The following BAHCC1 variants were observed in gnomAD, a reference collection of about 807,000 sequenced individuals.
BAHCC1 encodes BAH and coiled-coil domain-containing protein 1.
Under a neutral mutation model 88.2 loss-of-function variants are expected in BAHCC1, and 43 were observed. The ratio of observed to expected loss-of-function variants is 0.49; its 90% CI spans 0.38 to 0.63. The LOEUF (loss-of-function observed/expected upper bound fraction) is 0.63. BAHCC1 is among the 20% of genes least tolerant of loss of function. BAHCC1 has a pLI of 0.00. For synonymous variants in BAHCC1, 1,510 were observed against 745.5 expected (o/e 2.03, Z -16.71); for missense variants, 3,023 against 1,654.8 (o/e 1.83, Z -14.34).
At chr17:81,400,540 C>T (rs1555645894) in intron 2 of BAHCC1, among the ~76,000 whole-genome samples, 1 of 152,232 alleles carries the variant, frequency 6.6e-6, no homozygotes, top group African/African-American at 2.4e-5. Flanking sequence ...GGCCAGAGTG[C>T]GGCCCAGCCT....
At chr17:81,397,408 A>AC (rs1555645082) in intron 1 of BAHCC1, among the ~76,000 whole-genome samples, 4 of 150,264 alleles carry the variant, frequency 2.7e-5, no homozygotes, top group African/African-American at 9.8e-5. Context: ...AAAAAAAAAA[A>AC]AAAACAACCA....
Position 81,411,279 on chromosome 17 carries a change from C to A in BAHCC1, c.178+11362C>A. 2 of 459,468 alleles carry A rather than the reference C, an allele frequency of 4.4e-6. No individual in the cohort carries two copies. The highest frequency in any genetic ancestry group is 4.4e-6 in the Non-Finnish European group (1 of 229,452). 28.5% of individuals were successfully genotyped at this position (459,468 alleles called of 1,614,324 possible). On this transcript the variant is annotated intron_variant, in intron 2 of 27. Coordinates refer to ENST00000675386, the MANE Select transcript of BAHCC1 (RefSeq NM_001377448.1). The surrounding 1 kb of genome is among the most constrained non-coding windows in gnomAD (Gnocchi z 6.2). ...GCTCCCCTTCTCGGCAGCTCCCAAA[C>A]CCTGACCCCAGACAGGCAGCAGGAG...
rs8064391 is a variant in BAHCC1 at position 81,411,346 on chromosome 17, A to G, written c.178+11429A>G. 0.96 allele frequency among the ~76,000 whole-genome samples: 145,429 copies of G among 151,362 alleles called. 69,990 individuals are homozygous for G. Among genetic ancestry groups the G allele is most frequent in the East Asian group, 1 (4,989 of 4,992 alleles). On this transcript the variant is annotated intron_variant, in intron 2 of 27. Transcript: ENST00000675386. The surrounding 1 kb of genome is among the most constrained non-coding windows in gnomAD (Gnocchi z 6.2). ...CCCAGGCCCCTGAGAGTGAGGCTGG[A>G]GAGACGGGAGGCACCGGTGCCCTGT... is the stretch of plus-strand genomic sequence containing the variant.
Position 81,461,293 on chromosome 17 carries a change from G to A in BAHCC1, c.6630G>A (p.Leu2210=). Residue 2210 remains leucine, a synonymous_variant, in exon 26 of 28, where the codon CTG becomes CTA. Transcript: ENST00000675386. ...CGGGCGGTGAGTTCCTGGTCAAGCT[G>A]GACCACGAGGGTGTGACCTCCCCCA... ...RRAGGEFLVK[L]DHEGVTSPKN... 1 of 710,412 alleles carries A rather than the reference G, an allele frequency of 1.4e-6. No individual in the cohort carries two copies. The allele number at this position is 710,412 out of a possible 1,614,324, so 44.0% of individuals were successfully genotyped here.
chr17:81,438,314 A>C (rs1555652004), intron 3 of BAHCC1, 56 bp from the exon 4 acceptor site: 1 of 771,832 alleles, frequency 1.3e-6, no homozygotes, highest in Admixed American at 1.7e-5. Flanking sequence ...GGTCAGGGCG[A>C]GTGTGGGCCA....
rs2143471228 is a variant in BAHCC1, at chr17:81,435,924, A to G, written c.359-2446A>G. On this transcript the variant is annotated intron_variant, in intron 3 of 27. Coordinates refer to ENST00000675386, the MANE Select transcript of BAHCC1 (RefSeq NM_001377448.1). The surrounding 1 kb of genome is among the most constrained non-coding windows in gnomAD (Gnocchi z 4.4). Reference sequence around the variant, plus strand: ...ACAGCTGCTCTGATTCATAAAAATCATTTTTAAATTTTCTTTCTCAGTTTT... The same window carrying G: ...ACAGCTGCTCTGATTCATAAAAATCGTTTTTAAATTTTCTTTCTCAGTTTT... Among the ~76,000 whole-genome samples the G allele has an allele frequency of 6.6e-6, 1 of 152,322 alleles. No individual in the cohort carries two copies. The highest frequency in any genetic ancestry group is 2.1e-4 in the South Asian group (1 of 4,826).
chr17:81,447,772 G>A lies in BAHCC1; in HGVS notation c.3900G>A (p.Gly1300=), dbSNP rs781783550. Residue 1300 remains glycine (G), a synonymous_variant, in exon 11 of 28, where the codon GGG becomes GGA. Transcript: ENST00000675386. ...CAGTCCCCCTGCCTCATAGCTCAGG[G>A]ATTCATGGGATCGCTCTGCTCAGCG... The part of the protein sequence containing the change: ...PSTVPLPHSS[G]IHGIALLSEL... The A allele has an allele frequency of 2.7e-6, 2 of 749,808 alleles. No individual in the cohort carries two copies. The highest frequency in any genetic ancestry group is 2.8e-5 in the South Asian group (2 of 70,316). The allele number at this position is 749,808 out of a possible 1,614,324, so 46.4% of individuals were successfully genotyped here.
At chr17:81,407,423 G>A (rs782652751) in intron 2 of BAHCC1, 7 of 518,690 alleles carry the variant, frequency 1.3e-5, no homozygotes, top group South Asian at 9.8e-5. Flanking sequence ...GAGCACAGTT[G>A]AAGCTTTGCT....
intron 2 of BAHCC1, chr17:81,421,900 C>T (rs1327300454): frequency 2.1e-5 from 8 of 378,612 alleles, no homozygotes; most frequent in South Asian, 5.6e-5. Context: ...GTGCAGCATG[C>T]GACCCCATGT....
Position 81,445,539 on chromosome 17 carries a change from C to T in BAHCC1, c.3021C>T (p.Thr1007=), listed in dbSNP as rs782508450. The change falls in exon 10 of 28, where the codon ACC becomes ACT. Residue 1007 remains threonine, a synonymous_variant. Coordinates refer to ENST00000675386, the MANE Select transcript of BAHCC1 (RefSeq NM_001377448.1). ...PDPKPPASSP[T]PPPRPSAPCT... ...CAAAGCCCCCCGCCAGCTCCCCCAC[C>T]CCACCACCTCGGCCCAGCGCCCCGT... The T allele has an allele frequency of 1.1e-5, 8 of 726,234 alleles. No homozygotes were observed. The highest frequency in any genetic ancestry group is 1.9e-5 in the Admixed American group (1 of 51,596). 45.0% of individuals were successfully genotyped at this position (726,234 alleles called of 1,614,324 possible). A position where few individuals can be genotyped will look rare whatever the true frequency, so the allele number is the denominator to read the frequency against.
At chr17:81,431,141 C>T (rs1198175055) in intron 3 of BAHCC1, among the ~76,000 whole-genome samples, 3 of 152,092 alleles carry the variant, frequency 2.0e-5, no homozygotes, top group Non-Finnish European at 4.4e-5. Context: ...CAGCTTCTCT[C>T]AGCCAGAGGG....
At chr17:81,436,836 G>C (rs922505550) in intron 3 of BAHCC1, among the ~76,000 whole-genome samples, 6 of 152,224 alleles carry the variant, frequency 3.9e-5, no homozygotes, top group Non-Finnish European at 8.8e-5. Context: ...GGGAGATGGG[G>C]CTTCACCCTG....
In BAHCC1 at chr17:81,442,950, GC is replaced by G; in HGVS notation, c.1607del (p.Pro536GlnfsTer15). On this transcript the variant is annotated frameshift_variant, in exon 5 of 28. Transcript: ENST00000675386. LOFTEE classifies it high-confidence loss of function. ...ACTGTTGGCAAGGAAGCCCCGGCCG[GC>G]CCCCCAGGGGCACAGAAGGTGGCCC... is the stretch of plus-strand genomic sequence containing the variant. ...DKTVGKEAPA[G>X]PPGAQKVARI... is the part of the protein sequence containing the mutation. 1 of 779,008 alleles carries G rather than the reference GC, an allele frequency of 1.3e-6. No individual in the cohort carries two copies. The allele number at this position is 779,008 out of a possible 1,614,324, so 48.3% of individuals were successfully genotyped here. A position where few individuals can be genotyped will look rare whatever the true frequency, so the allele number is the denominator to read the frequency against.
rs2064426189 is a variant in BAHCC1 at position 81,442,014 on chromosome 17, A to G, written c.665A>G (p.Lys222Arg). ...GACTTCGACCGCTTCCTCGTGGGCA[A>G]AGAGCTGGGCAGAGAGAAGGCGGGC... is the stretch of plus-strand genomic sequence containing the variant. ...PKDFDRFLVG[K>R]ELGREKAGKA... Residue 222 changes from lysine (K) to arginine (R), a missense_variant, in exon 5 of 28, where the codon AAA becomes AGA. Transcript: ENST00000675386. 1 of 738,124 alleles carries G rather than the reference A, an allele frequency of 1.4e-6. No individual in the cohort carries two copies. The allele number at this position is 738,124 out of a possible 1,614,324, so 45.7% of individuals were successfully genotyped here.
At position 81,458,684 on chromosome 17, in the gene BAHCC1, G is replaced by A. The variant is rs1431125940; in HGVS notation, c.5407G>A (p.Gly1803Ser). The change falls in exon 19 of 28, where the codon GGC (glycine) becomes AGC (serine). Residue 1803 changes from glycine (G) to serine (S), a missense_variant. Physicochemically the swap from Gly to Ser is moderately conservative, Grantham distance 56. Coordinates refer to ENST00000675386, the MANE Select transcript of BAHCC1 (RefSeq NM_001377448.1). ...CAACGCCAAGGCCATCCTGGGGAAG[G>A]GCCGGAAGCTGAGCAAGGTGAAGCA... ...TRNAKAILGK[G>S]RKLSKVKHKA... 4.1e-6 allele frequency: 3 copies of A among 725,614 alleles called. No homozygotes were observed. Among genetic ancestry groups the A allele is most frequent in the Admixed American group, 2.0e-5 (1 of 50,792 alleles). The allele number at this position is 725,614 out of a possible 1,614,324, so 44.9% of individuals were successfully genotyped here. A position where few individuals can be genotyped will look rare whatever the true frequency, so the allele number is the denominator to read the frequency against.
chr17:81,408,751 G>C (rs1031284031), intron 2 of BAHCC1, among the ~76,000 whole-genome samples: 1 of 152,156 alleles, frequency 6.6e-6, no homozygotes, highest in Non-Finnish European at 1.5e-5. Context: ...ACAGAGCCTG[G>C]CAGCAGCCCC....
rs532287207 is a variant in BAHCC1, at chr17:81,411,069, G to A, written c.178+11152G>A. ...CCGTGCGCCTCCCCTCGGGCCTGAG[G>A]GGTCCCTCTCTCTGGGGTCACGCTC... On this transcript the variant is annotated intron_variant, in intron 2 of 27. Transcript: ENST00000675386. The surrounding 1 kb of genome is among the most constrained non-coding windows in gnomAD (Gnocchi z 6.2). The A allele has an allele frequency of 6.0e-5, 31 of 519,156 alleles. No homozygotes were observed. In the East Asian group the frequency reaches 1.5e-3, roughly 25 times the overall value. 32.2% of individuals were successfully genotyped at this position (519,156 alleles called of 1,614,324 possible).
chr17:81,413,019 C>T, intron 2 of BAHCC1: 1 of 318,088 alleles, frequency 3.1e-6, no homozygotes, highest in Non-Finnish European at 6.7e-6. Flanking sequence ...GGTGTCACTT[C>T]CTCCACATCC....
Position 81,443,823 on chromosome 17 carries a change from C to T in BAHCC1, c.2230C>T (p.Arg744Cys), listed in dbSNP as rs782365355. The change falls in exon 6 of 28, where the codon CGT becomes TGT. Residue 744 changes from arginine to cysteine, a missense_variant. Transcript: ENST00000675386. The stretch of plus-strand genomic sequence containing the variant: ...ACCCTGTGCAGGTGGCGGTGGGCCC[C>T]GTTCCACACACGCGCTGGACCTGGA... ...APAFKGGGGP[R>C]STHALDLEAE... 1 of 712,266 alleles carries T rather than the reference C, an allele frequency of 1.4e-6. No homozygotes were observed. Among genetic ancestry groups the T allele is most frequent in the Non-Finnish European group, 2.6e-6 (1 of 384,792 alleles). 44.1% of individuals were successfully genotyped at this position (712,266 alleles called of 1,614,324 possible).
Sources: allele counts gnomAD v4.1 joint callset (sites outside exome capture counted in the v4.1 genomes callset), GRCh38; gene constraint gnomAD v4.1.1; non-coding constraint Gnocchi (gnomAD v3.1); transcripts MANE v1.5; gene names NCBI Gene and HGNC (gene_info 2026-07-23, HGNC 2026-07-21).